TNFRSF19: variants seen among roughly 807,000 people sequenced by gnomAD.
TNFRSF19 encodes the protein TNF receptor superfamily member 19.
A neutral mutation model predicts 46.4 loss-of-function variants in TNFRSF19; 27 were observed. The observed-to-expected ratio is 0.58, with a 90% CI of 0.43 to 0.80. The LOEUF is 0.80. TNFRSF19 is among the 30% of genes least tolerant of loss of function. The pLI is 0.00. For missense variants in TNFRSF19, 511 were observed against 530.8 expected (o/e 0.96, Z 0.37); for synonymous variants, 204 against 205.0 (o/e 1.00, Z 0.04).
At chr13:23,663,817 C>T (rs1951570929) in intron 7 of TNFRSF19, among the ~76,000 whole-genome samples, 1 of 152,048 alleles carries the variant, frequency 6.6e-6, no homozygotes, top group African/African-American at 2.4e-5. Context: ...ATAGTAGTTC[C>T]TGATGGCTAT....
chr13:23,599,135 A>C (rs1443515410), intron 3 of TNFRSF19, among the ~76,000 whole-genome samples: 1 of 152,248 alleles, frequency 6.6e-6, no homozygotes, highest in African/African-American at 2.4e-5. Flanking sequence ...GTGATATCTC[A>C]TTAACAGTAG....
rs564233422 is a variant in TNFRSF19 at position 23,624,397 on chromosome 13, C to T, written c.360-2310C>T. Among the ~76,000 whole-genome samples the T allele has an allele frequency of 2.0e-5, 3 of 151,664 alleles. No individual in the cohort carries two copies. In the East Asian group the frequency reaches 5.8e-4, roughly 29 times the overall value. On this transcript the variant is annotated intron_variant, in intron 4 of 9. Coordinates refer to ENST00000248484, the MANE Select transcript of TNFRSF19 (RefSeq NM_148957.4). ...ATTTTATTAATATCTAATGGGAAGT[C>T]ACTGTATTATATATCCTTTGAAAAG...
Position 23,584,081 on chromosome 13 carries a change from T to G in TNFRSF19, c.-34-6069T>G, listed in dbSNP as rs188292378. On this transcript the variant is annotated intron_variant, in intron 1 of 9. Transcript: ENST00000248484. ...GTTGTTTTTATTTTTATTTATCTAT[T>G]TTTTCTTTATTTCCATAGGGTTTTG... Among the ~76,000 whole-genome samples the G allele has an allele frequency of 1.4e-3, 216 of 152,186 alleles. 1 individual carries two copies. Among genetic ancestry groups the G allele is most frequent in the African/African-American group, 4.4e-3 (183 of 41,498 alleles).
At chr13:23,615,820 C>T (rs372079062) in intron 3 of TNFRSF19, 47 bp from the exon 4 acceptor site, 119 of 1,506,282 alleles carry the variant, frequency 7.9e-5, no homozygotes, top group East Asian at 1.6e-4. Context: ...TTCCTTTTCA[C>T]GCTTGCAAAG....
At position 23,673,943 on chromosome 13, in the gene TNFRSF19, C is replaced by T. The variant is rs1951792443; in HGVS notation, c.*563C>T. The T allele has an allele frequency of 6.6e-6, 1 of 152,130 alleles. No individual in the cohort carries two copies. The highest frequency in any genetic ancestry group is 1.5e-5 in the Non-Finnish European group (1 of 68,034). The allele number at this position is 152,130 out of a possible 1,614,324, so 9.4% of individuals were successfully genotyped here. A position where few individuals can be genotyped will look rare whatever the true frequency, so the allele number is the denominator to read the frequency against. On this transcript the variant is annotated 3_prime_UTR_variant, in exon 10 of 10. Coordinates refer to ENST00000248484, the MANE Select transcript of TNFRSF19 (RefSeq NM_148957.4). ...GGTGGTTAGAATGGCCCTCATATTG[C>T]CTGCCTAAATCTTGGGTTTATTAGA...
intron 3 of TNFRSF19, among the ~76,000 whole-genome samples, chr13:23,599,014 G>A (rs1435671619): frequency 1.3e-5 from 2 of 152,226 alleles, no homozygotes; most frequent in South Asian, 2.1e-4. Flanking sequence ...CATTCTGCAA[G>A]TGGCTTCTGA....
chr13:23,601,060 G>A, intron 3 of TNFRSF19, among the ~76,000 whole-genome samples: 1 of 152,126 alleles, frequency 6.6e-6, no homozygotes. Context: ...TGCTAATCAG[G>A]GAAAGGAACA....
chr13:23,581,290 C>T (rs1878412670), intron 1 of TNFRSF19, among the ~76,000 whole-genome samples: 1 of 152,144 alleles, frequency 6.6e-6, no homozygotes, highest in East Asian at 1.9e-4. Context: ...GGACTACAGG[C>T]GCCCGCCACC....
chr13:23,608,985 G>A (rs1270687256), intron 3 of TNFRSF19, among the ~76,000 whole-genome samples: 8 of 152,128 alleles, frequency 5.3e-5, no homozygotes, highest in Non-Finnish European at 1.0e-4. Flanking sequence ...CTGTTGCCCT[G>A]GGCGTTCTGA....
intron 4 of TNFRSF19, among the ~76,000 whole-genome samples, chr13:23,623,806 C>A (rs903818461): frequency 6.6e-5 from 10 of 152,072 alleles, no homozygotes; most frequent in African/African-American, 2.4e-4. Context: ...AAGTCCCTTG[C>A]CCATTTTTAA....
At chr13:23,616,222 T>C (rs1881278413) in intron 4 of TNFRSF19, among the ~76,000 whole-genome samples, 177 bp downstream of exon 4, 1 of 152,174 alleles carries the variant, frequency 6.6e-6, no homozygotes, top group African/African-American at 2.4e-5. Flanking sequence ...CCGTGTGCCA[T>C]GCATGCAGCA....
chr13:23,619,239 G>A (rs1481988836), intron 4 of TNFRSF19, among the ~76,000 whole-genome samples: 2 of 152,202 alleles, frequency 1.3e-5, no homozygotes, highest in Non-Finnish European at 2.9e-5. Context: ...AGATGGATGA[G>A]CCTAGAAAAC....
At chr13:23,595,530 T>C (rs962454857) in intron 3 of TNFRSF19, among the ~76,000 whole-genome samples, 2 of 151,884 alleles carry the variant, frequency 1.3e-5, no homozygotes, top group Non-Finnish European at 2.9e-5. Flanking sequence ...ATCAACTTAA[T>C]GAAATAAAGC....
intron 1 of TNFRSF19, among the ~76,000 whole-genome samples, chr13:23,584,815 C>A (rs907208902): frequency 7.2e-5 from 11 of 152,128 alleles, no homozygotes; most frequent in African/African-American, 2.4e-4. Flanking sequence ...ATATTCTTAG[C>A]ACACCTTTGT....
Position 23,675,071 on chromosome 13 carries a change from T to TA in TNFRSF19, c.*1691_*1692insA. The TA allele has an allele frequency of 6.6e-6, 1 of 152,224 alleles. No individual in the cohort carries two copies. Among genetic ancestry groups the TA allele is most frequent in the Non-Finnish European group, 1.5e-5 (1 of 68,046 alleles). The allele number at this position is 152,224 out of a possible 1,614,324, so 9.4% of individuals were successfully genotyped here. On this transcript the variant is annotated 3_prime_UTR_variant, in exon 10 of 10. Transcript: ENST00000248484. Reference sequence around the variant, plus strand: ...TCATAATTAATTGACTTTTCCTGTATTACTTCTTTTTTTAAGTATAAACCA... The same window carrying TA: ...TCATAATTAATTGACTTTTCCTGTATATACTTCTTTTTTTAAGTATAAACCA...
At chr13:23,600,612 A>G (rs372635777) in intron 3 of TNFRSF19, among the ~76,000 whole-genome samples, 36 of 152,218 alleles carry the variant, frequency 2.4e-4, no homozygotes, top group African/African-American at 8.7e-4. Context: ...CTTTTTCTTA[A>G]CAAGGACTGC....
chr13:23,642,513 A>C (rs1344915308), intron 5 of TNFRSF19, among the ~76,000 whole-genome samples: 2 of 152,224 alleles, frequency 1.3e-5, no homozygotes, highest in Non-Finnish European at 2.9e-5. Context: ...AGAGGCTGTC[A>C]TTTGCTGGTG....
intron 1 of TNFRSF19, among the ~76,000 whole-genome samples, chr13:23,589,020 C>T (rs1013978478): frequency 2.6e-5 from 4 of 152,240 alleles, no homozygotes; most frequent in Admixed American, 1.3e-4. Context: ...GCCCCCTCTG[C>T]CTCCTTGGTT....
chr13:23,622,810 A>G (rs2138278210), intron 4 of TNFRSF19, among the ~76,000 whole-genome samples: 1 of 152,292 alleles, frequency 6.6e-6, no homozygotes, highest in Admixed American at 6.5e-5. Flanking sequence ...TAATTCAATG[A>G]ACTTCTATTG....
Sources: allele counts gnomAD v4.1 joint callset (sites outside exome capture counted in the v4.1 genomes callset), GRCh38; gene constraint gnomAD v4.1.1; transcripts MANE v1.5; gene names NCBI Gene and HGNC (gene_info 2026-07-23, HGNC 2026-07-21).